The following COX19 variants were observed in gnomAD, a reference collection of about 807,000 sequenced individuals.
COX19 encodes the protein cytochrome c oxidase assembly protein COX19.
A neutral mutation model predicts 6.8 loss-of-function variants in COX19; 8 were observed. The observed-to-expected ratio is 1.18, with a 90% confidence interval of 0.69 to 2.12. The LOEUF (loss-of-function observed/expected upper bound fraction) is 2.12. Among genes scored for constraint, COX19 ranks in the 30% most tolerant of loss-of-function variants. COX19 has a pLI of 0.00. For missense variants in COX19, 131 were observed against 104.6 expected, an observed-to-expected ratio of 1.25 and a Z score of -1.10; for synonymous variants, 51 against 38.0, an observed-to-expected ratio of 1.34 and a Z score of -1.26.
At position 973,192 on chromosome 7, in the gene COX19, G is replaced by A. The variant is rs1392810373; in HGVS notation, c.183C>T (p.Cys61=). The change falls in exon 2 of 3, where the codon TGC becomes TGT. Residue 61 remains cysteine, a synonymous_variant. Transcript: ENST00000344111. ...CRKESKEYLE[C]RMERKLMLQE... Reference sequence around the variant, plus strand: ...TTAGCTGTACTCACCTCTCCATCCTGCATTCTAAATATTCTTTTGATTCCT... The same window carrying A: ...TTAGCTGTACTCACCTCTCCATCCTACATTCTAAATATTCTTTTGATTCCT... The A allele has an allele frequency of 3.8e-6, 6 of 1,595,278 alleles. No homozygotes were observed. Among genetic ancestry groups the A allele is most frequent in the Non-Finnish European group, 4.3e-6 (5 of 1,171,426 alleles).
intron 1 of COX19, among the ~76,000 whole-genome samples, chr7:974,329 G>A (rs1042631636): frequency 1.3e-5 from 2 of 151,824 alleles, no homozygotes; most frequent in African/African-American, 4.8e-5. Context: ...GGATGAGACG[G>A]GAGACTCCCC....
rs1399632183 is a variant in COX19, at chr7:967,424, T to C, written c.*1954A>G. The C allele has an allele frequency of 1.3e-5, 2 of 152,238 alleles. No homozygotes were observed. The highest frequency in any genetic ancestry group is 2.9e-5 in the Non-Finnish European group (2 of 68,038). 9.4% of individuals were successfully genotyped at this position (152,238 alleles called of 1,614,324 possible). A position where few individuals can be genotyped will look rare whatever the true frequency, so the allele number is the denominator to read the frequency against. On this transcript the variant is annotated 3_prime_UTR_variant, in exon 3 of 3. Coordinates refer to ENST00000344111, the MANE Select transcript of COX19 (RefSeq NM_001031617.3). ...ATCTCAGAATACAGCTTCAGAATCG[T>C]CCACGCAAAAAACAAATTTACTACT...
chr7:974,587 T>C (rs568539860), intron 1 of COX19, among the ~76,000 whole-genome samples: 2 of 152,340 alleles, frequency 1.3e-5, no homozygotes, highest in East Asian at 3.9e-4. Flanking sequence ...TTCTTTCATT[T>C]TTGCTATTTG....
At chr7:970,097 G>A (rs1231641125) in intron 2 of COX19, among the ~76,000 whole-genome samples, 1 of 151,618 alleles carries the variant, frequency 6.6e-6, no homozygotes, top group Non-Finnish European at 1.5e-5. Context: ...CAGCCTCCTG[G>A]GTAGCTGAGA....
intron 1 of COX19, among the ~76,000 whole-genome samples, chr7:974,286 G>C (rs1432678894): frequency 2.6e-5 from 4 of 151,488 alleles, no homozygotes; most frequent in Non-Finnish European, 5.9e-5. Flanking sequence ...GCTGGGTGTG[G>C]CGCTGCACAC....
chr7:966,629 AC>A lies in COX19; in HGVS notation c.*2748del, dbSNP rs1463505511. 1 of 152,210 alleles carries A rather than the reference AC, an allele frequency of 6.6e-6. No individual in the cohort carries two copies. Among genetic ancestry groups the A allele is most frequent in the Admixed American group, 6.5e-5 (1 of 15,272 alleles). The allele number at this position is 152,210 out of a possible 1,614,324, so 9.4% of individuals were successfully genotyped here. ...GTTACAGAATGGTATCAGGGCCAAG[AC>A]CCTGAGTGCACGGGTCACTGCGTCC... On this transcript the variant is annotated 3_prime_UTR_variant, in exon 3 of 3. Coordinates refer to ENST00000344111, the MANE Select transcript of COX19 (RefSeq NM_001031617.3).
In COX19 at chr7:968,593, G is replaced by C. The variant is rs1441183294; in HGVS notation, c.*785C>G. 6.6e-6 allele frequency: 1 copy of C among 152,300 alleles called. No individual in the cohort carries two copies. The highest frequency in any genetic ancestry group is 1.5e-5 in the Non-Finnish European group (1 of 68,080). 9.4% of individuals were successfully genotyped at this position (152,300 alleles called of 1,614,324 possible). A position where few individuals can be genotyped will look rare whatever the true frequency, so the allele number is the denominator to read the frequency against. On this transcript the variant is annotated 3_prime_UTR_variant, in exon 3 of 3. Transcript: ENST00000344111. ...ATGGGCCGGGTTTCCGTGACCCACA[G>C]GCAACTTTGGCACAGACGGGCTGAG...
Position 965,370 on chromosome 7 carries a change from C to G in COX19, c.*4008G>C, listed in dbSNP as rs947155993. On this transcript the variant is annotated 3_prime_UTR_variant, in exon 3 of 3. Transcript: ENST00000344111. ...GCGCTGCCAGTCACTTCGCAGAAGG[C>G]TCCTCGGTTTGGGTCTGTGTCTGTT... Among the ~76,000 whole-genome samples the G allele has an allele frequency of 6.6e-6, 1 of 152,182 alleles. No individual in the cohort carries two copies. The highest frequency in any genetic ancestry group is 1.5e-5 in the Non-Finnish European group (1 of 68,038).
rs778023451 is a variant in COX19, at chr7:965,507, G to A, written c.*3871C>T. Among the ~76,000 whole-genome samples the A allele has an allele frequency of 2.5e-4, 38 of 152,190 alleles. No homozygotes were observed. Among genetic ancestry groups the A allele is most frequent in the Non-Finnish European group, 4.3e-4 (29 of 68,036 alleles). On this transcript the variant is annotated 3_prime_UTR_variant, in exon 3 of 3. Transcript: ENST00000344111. ...GCGGCCTGTGCGGCTCGCTCCCGGC[G>A]GTGGCTGCTGGGTTAAGGGGGCCTC...
In COX19 at chr7:969,596, GC is replaced by G. The variant is rs766578937; in HGVS notation, c.195-141del. On this transcript the variant is annotated intron_variant, in intron 2 of 2. Transcript: ENST00000344111. ...CTGGGAGAGTGGCCCCTCGGCCTCG[GC>G]CCCCGTGGCTGGTGCCTTCCCCACT... The G allele has an allele frequency of 4.3e-4, 293 of 681,304 alleles. 1 individual carries two copies. Among genetic ancestry groups the G allele is most frequent in the South Asian group, 7.1e-4 (42 of 59,324 alleles). The allele number at this position is 681,304 out of a possible 1,614,324, so 42.2% of individuals were successfully genotyped here. A position where few individuals can be genotyped will look rare whatever the true frequency, so the allele number is the denominator to read the frequency against.
At chr7:975,285 G>C in intron 1 of COX19, 143 bp downstream of exon 1, 1 of 615,268 alleles carries the variant, frequency 1.6e-6, no homozygotes, top group South Asian at 2.1e-5. Context: ...ACCCAGGGCT[G>C]GGTGGGGCGG....
chr7:969,774 G>A (rs1847610756), intron 2 of COX19, among the ~76,000 whole-genome samples: 1 of 152,126 alleles, frequency 6.6e-6, no homozygotes, highest in Non-Finnish European at 1.5e-5. Flanking sequence ...GATGTATCTG[G>A]ACAACAGCTT....
chr7:972,353 T>C (rs1847647513), intron 2 of COX19, among the ~76,000 whole-genome samples: 1 of 152,138 alleles, frequency 6.6e-6, no homozygotes, highest in East Asian at 1.9e-4. Flanking sequence ...TCCACACGAA[T>C]AACCCCGAAC....
In COX19 at chr7:969,449, T is replaced by C. The variant is rs1847605001; in HGVS notation, c.202A>G (p.Met68Val). 3 of 1,604,448 alleles carry C rather than the reference T, an allele frequency of 1.9e-6. No homozygotes were observed. Among genetic ancestry groups the C allele is most frequent in the Non-Finnish European group, 2.6e-6 (3 of 1,171,604 alleles). The change falls in exon 3 of 3, where the codon ATG (methionine) becomes GTG (valine). Residue 68 changes from methionine to valine, a missense_variant. By Grantham distance (21) the Met-to-Val change is conservative. Transcript: ENST00000344111. Reference sequence around the variant, plus strand: ...AGTTTCTCCAATGGTTCTTGTAGCATCAATTTTCTAAAAGAAAAAGAGAAA... The same window carrying C: ...AGTTTCTCCAATGGTTCTTGTAGCACCAATTTTCTAAAAGAAAAAGAGAAA... Reference protein sequence around the residue: ...YLECRMERKLMLQEPLEKLGF... With the variant: ...YLECRMERKLVLQEPLEKLGF...
At chr7:970,619 T>A (rs760934497) in intron 2 of COX19, among the ~76,000 whole-genome samples, 3 of 151,834 alleles carry the variant, frequency 2.0e-5, no homozygotes, top group Non-Finnish European at 2.9e-5. Flanking sequence ...AATTTTTATA[T>A]TTTTAGTAGA....
Position 967,148 on chromosome 7 carries a change from G to A in COX19, c.*2230C>T, listed in dbSNP as rs571286288. 290 of 152,304 alleles carry A rather than the reference G, an allele frequency of 1.9e-3. 3 individuals are homozygous for A. The highest frequency in any genetic ancestry group is 6.8e-3 in the African/African-American group (284 of 41,558). 9.4% of individuals were successfully genotyped at this position (152,304 alleles called of 1,614,324 possible). ...GTGCCCATCTGTGACATTTTGAAGAGGGAAGCACGAAGTTCTGTCAGTTTT... is the reference window on the plus strand; with the variant it reads ...GTGCCCATCTGTGACATTTTGAAGAAGGAAGCACGAAGTTCTGTCAGTTTT... On this transcript the variant is annotated 3_prime_UTR_variant, in exon 3 of 3. Coordinates refer to ENST00000344111, the MANE Select transcript of COX19 (RefSeq NM_001031617.3).
At chr7:974,665 C>T (rs1057125170) in intron 1 of COX19, among the ~76,000 whole-genome samples, 5 of 146,806 alleles carry the variant, frequency 3.4e-5, no homozygotes, top group African/African-American at 5.0e-5. Context: ...TCTTTTCTTT[C>T]TTTTTTTTTT....
At chr7:975,048 C>T (rs1701048987) in intron 1 of COX19, 5 of 195,458 alleles carry the variant, frequency 2.6e-5, no homozygotes, top group Non-Finnish European at 5.2e-5. Flanking sequence ...CACTTTTGAG[C>T]TTTGCAGCAG....
chr7:973,409 C>T lies in COX19; in HGVS notation c.83-117G>A, dbSNP rs939136358. On this transcript the variant is annotated intron_variant, in intron 1 of 2. Coordinates refer to ENST00000344111, the MANE Select transcript of COX19 (RefSeq NM_001031617.3). ...AAAACTTGTTTCCTCAGGCCGGGCG[C>T]AGTGGTTCACACCTGTAATCCCAGC... is the stretch of plus-strand genomic sequence containing the variant. 12 of 1,299,682 alleles carry T rather than the reference C, an allele frequency of 9.2e-6. No individual in the cohort carries two copies. In the African/African-American group the frequency reaches 1.8e-4, roughly 20 times the overall value. The allele number at this position is 1,299,682 out of a possible 1,614,324, so 80.5% of individuals were successfully genotyped here. A position where few individuals can be genotyped will look rare whatever the true frequency, so the allele number is the denominator to read the frequency against.
Sources: allele counts gnomAD v4.1 joint callset (sites outside exome capture counted in the v4.1 genomes callset), GRCh38; gene constraint gnomAD v4.1.1; transcripts MANE v1.5; gene names NCBI Gene and HGNC (gene_info 2026-07-23, HGNC 2026-07-21).